Variants in PTPRN2 observed in about 807,000 individuals in gnomAD.
PTPRN2 encodes protein tyrosine phosphatase receptor type N2, also known as receptor-type tyrosine-protein phosphatase N2.
In PTPRN2, 74 loss-of-function variants were observed where a neutral mutation model predicts 118.8. The observed-to-expected ratio is 0.62, with a 90% CI of 0.52 to 0.76. The LOEUF (loss-of-function observed/expected upper bound fraction) is 0.76. Among genes scored for constraint, PTPRN2 ranks in the 30% least tolerant of loss-of-function variants. The pLI is 0.00. For missense variants in PTPRN2, 1,481 were observed against 1,394.4 expected (o/e 1.06, Z -0.99); for synonymous variants, 641 against 608.0 (o/e 1.05, Z -0.80).
intron 13 of PTPRN2, among the ~76,000 whole-genome samples, 191 bp from the exon 14 acceptor site, chr7:157,656,742 G>A (rs181965301): frequency 5.1e-4 from 78 of 152,136 alleles, no homozygotes; most frequent in Non-Finnish European, 7.8e-4. Flanking sequence ...CGCCCAGCAC[G>A]GTGACCCGAG....
chr7:158,387,158 A>G (rs1211801958), intron 2 of PTPRN2, among the ~76,000 whole-genome samples: 1 of 152,224 alleles, frequency 6.6e-6, no homozygotes, highest in Non-Finnish European at 1.5e-5. Flanking sequence ...TCCTGCCCTA[A>G]GTGGCCTCAG....
chr7:157,773,325 T>A (rs1451009312), intron 12 of PTPRN2, among the ~76,000 whole-genome samples: 2 of 151,898 alleles, frequency 1.3e-5, no homozygotes, highest in Non-Finnish European at 2.9e-5. Context: ...TGAGTGGGAG[T>A]CATGCCTAGA....
intron 12 of PTPRN2, among the ~76,000 whole-genome samples, chr7:157,694,763 TTTTTTC>T (rs745884662): frequency 5.2e-4 from 77 of 147,258 alleles, no homozygotes; most frequent in Non-Finnish European, 9.3e-4. Flanking sequence ...GGATTTTTTC[TTTTTTC>T]TTTTTTTTTT....
intron 12 of PTPRN2, among the ~76,000 whole-genome samples, chr7:157,883,637 G>A (rs1485947775): frequency 4.0e-5 from 5 of 124,662 alleles, no homozygotes; most frequent in South Asian, 2.8e-4. Flanking sequence ...ACCAGAACAT[G>A]CCACCCCAAA....
intron 6 of PTPRN2, among the ~76,000 whole-genome samples, chr7:158,146,582 G>C (rs548403046): frequency 2.0e-5 from 3 of 151,450 alleles, no homozygotes; most frequent in Non-Finnish European, 2.9e-5. Flanking sequence ...TTAGCCAGGC[G>C]TGGTGGCGGG....
chr7:157,685,223 G>T (rs2150816885), intron 12 of PTPRN2, among the ~76,000 whole-genome samples: 1 of 151,946 alleles, frequency 6.6e-6, no homozygotes, highest in East Asian at 1.9e-4. Flanking sequence ...GCCCCCGCGC[G>T]CCTCCATCCG....
At chr7:158,375,280 T>A (rs2151327989) in intron 2 of PTPRN2, among the ~76,000 whole-genome samples, 1 of 152,362 alleles carries the variant, frequency 6.6e-6, no homozygotes, top group African/African-American at 2.4e-5. Context: ...TGTGATTCAC[T>A]GCTCATTTAG....
chr7:157,852,497 A>G (rs560906474), intron 12 of PTPRN2, among the ~76,000 whole-genome samples: 8 of 152,342 alleles, frequency 5.3e-5, no homozygotes, highest in Non-Finnish European at 1.0e-4. Context: ...TGATCTTAAA[A>G]ACACATTCAA....
chr7:158,071,083 G>T (rs1208194621), intron 11 of PTPRN2, among the ~76,000 whole-genome samples: 2 of 93,348 alleles, frequency 2.1e-5, no homozygotes, highest in Non-Finnish European at 4.3e-5. Flanking sequence ...TGGTGGAGGT[G>T]CCCGTGGTGG....
intron 2 of PTPRN2, among the ~76,000 whole-genome samples, chr7:158,328,283 G>A (rs557503453): frequency 1.6e-4 from 25 of 152,318 alleles, no homozygotes; most frequent in African/African-American, 5.5e-4. Flanking sequence ...ACACACCCAG[G>A]TCAGATTTAA....
intron 2 of PTPRN2, among the ~76,000 whole-genome samples, chr7:158,479,855 C>T (rs1340381330): frequency 3.9e-5 from 6 of 152,202 alleles, no homozygotes; most frequent in South Asian, 2.1e-4. Flanking sequence ...GCCAGCTCTG[C>T]GGCGCAGTGG....
At chr7:158,049,338 C>G (rs1438247903) in intron 11 of PTPRN2, among the ~76,000 whole-genome samples, 1 of 152,226 alleles carries the variant, frequency 6.6e-6, no homozygotes, top group East Asian at 1.9e-4. Flanking sequence ...CCGTCTTCCT[C>G]TACATGTTCA....
At chr7:157,679,815 C>T (rs1011905504) in intron 13 of PTPRN2, among the ~76,000 whole-genome samples, 1 of 152,130 alleles carries the variant, frequency 6.6e-6, no homozygotes, top group African/African-American at 2.4e-5. Flanking sequence ...CCCCCCAGGT[C>T]ACGCGGGAAG....
At chr7:157,697,877 C>G (rs1212576519) in intron 12 of PTPRN2, among the ~76,000 whole-genome samples, 1 of 150,814 alleles carries the variant, frequency 6.6e-6, no homozygotes, top group Non-Finnish European at 1.5e-5. Flanking sequence ...TCTACTCATG[C>G]ATACTGGGTC....
chr7:157,880,778 C>T (rs373078501), intron 12 of PTPRN2, among the ~76,000 whole-genome samples: 319 of 152,320 alleles, frequency 2.1e-3, no homozygotes, highest in African/African-American at 7.4e-3. Flanking sequence ...TGTATTTATT[C>T]ATTAATTCAC....
intron 12 of PTPRN2, among the ~76,000 whole-genome samples, chr7:157,859,745 G>A (rs185061903): frequency 3.9e-4 from 13 of 33,380 alleles, no homozygotes; most frequent in Admixed American, 7.5e-4. Flanking sequence ...GGAGAGCCCC[G>A]GCCACCACCC....
At chr7:157,962,602 C>T (rs573799141) in intron 11 of PTPRN2, among the ~76,000 whole-genome samples, 16 of 152,166 alleles carry the variant, frequency 1.1e-4, no homozygotes, top group African/African-American at 3.4e-4. Flanking sequence ...TTATTGGTAC[C>T]TACACACCCG....
In PTPRN2 at chr7:157,874,589, G is replaced by A. The variant is rs1277464351; in HGVS notation, c.1788+24084C>T. Among the ~76,000 whole-genome samples, 12 of 152,148 alleles carry A rather than the reference G, an allele frequency of 7.9e-5. No individual in the cohort carries two copies. The highest frequency in any genetic ancestry group is 4.4e-5 in the Non-Finnish European group (3 of 68,022). ...TCGTGAGTAGGGGGATTTCCTACTCGCTCCACAGACAGCTCCCGGGGTCCG... is the reference window on the plus strand; with the variant it reads ...TCGTGAGTAGGGGGATTTCCTACTCACTCCACAGACAGCTCCCGGGGTCCG... On this transcript the variant is annotated intron_variant, in intron 12 of 22. Coordinates refer to ENST00000389418, the MANE Select transcript of PTPRN2 (RefSeq NM_002847.5). The surrounding 1 kb of genome is among the most constrained non-coding windows in gnomAD (Gnocchi z 5.8).
Position 157,869,117 on chromosome 7 carries a change from C to G in PTPRN2, c.1788+29556G>C, listed in dbSNP as rs1810900209. On this transcript the variant is annotated intron_variant, in intron 12 of 22. Coordinates refer to ENST00000389418, the MANE Select transcript of PTPRN2 (RefSeq NM_002847.5). The surrounding 1 kb of genome is among the most constrained non-coding windows in gnomAD (Gnocchi z 4.2). The stretch of plus-strand genomic sequence containing the variant: ...AAATTTCTGATGTTTCCCTGGATGA[C>G]AAGATGTTTTCTTTATTAAAATATC... The G allele has an allele frequency of 6.6e-6, 1 of 152,196 alleles. No individual in the cohort carries two copies. Among genetic ancestry groups the G allele is most frequent in the East Asian group, 1.9e-4 (1 of 5,198 alleles). 9.4% of individuals were successfully genotyped at this position (152,196 alleles called of 1,614,324 possible). A position where few individuals can be genotyped will look rare whatever the true frequency, so the allele number is the denominator to read the frequency against.
Sources: gnomAD v4.1 joint callset for allele counts (sites outside exome capture counted in the v4.1 genomes callset) on GRCh38, gnomAD v4.1.1 for gene constraint, Gnocchi (gnomAD v3.1) non-coding constraint, MANE v1.5 for transcripts, NCBI Gene and HGNC (gene_info 2026-07-23, HGNC 2026-07-21) for gene names.